The following WDPCP variants were observed in gnomAD, a reference collection of about 807,000 sequenced individuals.
WDPCP encodes the protein WD repeat containing planar cell polarity effector, also known as WD repeat-containing and planar cell polarity effector protein fritz homolog.
Under a neutral mutation model 93.1 loss-of-function variants are expected in WDPCP, and 71 were observed. The observed-to-expected ratio is 0.76, with a 90% CI of 0.63 to 0.93. The LOEUF is 0.93. Among genes scored for constraint, WDPCP ranks in the 40% least tolerant of loss-of-function variants. The pLI, the probability that WDPCP is intolerant of heterozygous loss-of-function variation, is 0.00. For missense variants in WDPCP, 844 were observed against 887.4 expected, an observed-to-expected ratio of 0.95 and a Z score of 0.62; for synonymous variants, 315 against 315.0, an observed-to-expected ratio of 1.00 and a Z score of 0.00.
chr2:63,598,215 GCCTCC>G (rs1198368243), intron 3 of WDPCP: 6 of 152,102 alleles, frequency 3.9e-5, no homozygotes, highest in Non-Finnish European at 8.8e-5. Flanking sequence ...TGCAACCTCT[GCCTCC>G]CGGGTTCAAG....
Position 63,667,277 on chromosome 2 carries a change from C to T in WDPCP, n.309-16439G>A, listed in dbSNP as rs989033241. Among the ~76,000 whole-genome samples the T allele has an allele frequency of 7.6e-4, 115 of 152,266 alleles. 1 individual carries two copies. The highest frequency in any genetic ancestry group is 2.5e-3 in the African/African-American group (105 of 41,548). On this transcript the variant is annotated intron_variant and non_coding_transcript_variant, in intron 2 of 4. Coordinates refer to the WDPCP transcript ENST00000467687. Reference sequence around the variant, plus strand: ...AGTGATGTTCACACACCCATTTATTCGCCATGGGGTGAGGCTGGCATAGGT... The same window carrying T: ...AGTGATGTTCACACACCCATTTATTTGCCATGGGGTGAGGCTGGCATAGGT...
chr2:63,251,761 G>A lies in WDPCP; in HGVS notation c.1915+7546C>T, dbSNP rs569743685. Among the ~76,000 whole-genome samples, 9 of 151,922 alleles carry A rather than the reference G, an allele frequency of 5.9e-5. 1 individual carries two copies. The East Asian group carries it at 1.7e-3, about 29-fold the overall frequency. On this transcript the variant is annotated intron_variant, in intron 14 of 17. Coordinates refer to ENST00000272321, the MANE Select transcript of WDPCP (RefSeq NM_015910.7). ...CCACCTCGGCCTCCCAAAGTGCTGGGATTACAGGCGTGAGCCACCGTGCCT... is the reference window on the plus strand; with the variant it reads ...CCACCTCGGCCTCCCAAAGTGCTGGAATTACAGGCGTGAGCCACCGTGCCT...
intron 6 of WDPCP, among the ~76,000 whole-genome samples, chr2:63,482,833 A>C (rs1700348263): frequency 6.6e-6 from 1 of 152,010 alleles, no homozygotes; most frequent in Non-Finnish European, 1.5e-5. Context: ...GAAGCACAGA[A>C]TATAACAGAA....
intron 2 of WDPCP, among the ~76,000 whole-genome samples, chr2:63,782,079 A>G (rs1382031655): frequency 6.6e-6 from 1 of 152,170 alleles, no homozygotes; most frequent in Non-Finnish European, 1.5e-5. Context: ...GCAGCTAAGT[A>G]TCACTTTCTT....
chr2:63,776,965 C>T (rs934450044), intron 2 of WDPCP, among the ~76,000 whole-genome samples: 7 of 151,982 alleles, frequency 4.6e-5, no homozygotes, highest in East Asian at 1.9e-4. Context: ...ACAAAGTTAC[C>T]GTTAGAAAGA....
chr2:63,661,998 A>G (rs1482797197), intron 2 of WDPCP, among the ~76,000 whole-genome samples: 1 of 152,214 alleles, frequency 6.6e-6, no homozygotes, highest in Non-Finnish European at 1.5e-5. Flanking sequence ...GGGAGAACTT[A>G]GAGACAAGGT....
chr2:63,828,567 C>G (rs1452232425), upstream of WDPCP, among the ~76,000 whole-genome samples: 1 of 152,044 alleles, frequency 6.6e-6, no homozygotes, highest in African/African-American at 2.4e-5. Flanking sequence ...ATAACCTCTC[C>G]TCTATGCTTC....
chr2:63,618,160 T>C (rs540142416), intron 3 of WDPCP, among the ~76,000 whole-genome samples: 1 of 152,306 alleles, frequency 6.6e-6, no homozygotes, highest in Non-Finnish European at 1.5e-5. Flanking sequence ...TAAGAACAAT[T>C]TTCTTTTCTG....
chr2:63,590,221 C>T (rs72885336), upstream of WDPCP: 292 of 152,260 alleles, frequency 1.9e-3, no homozygotes, highest in African/African-American at 6.7e-3. Context: ...GGACTTTTTG[C>T]TTTTAGAACT....
chr2:63,215,997 C>G (rs1284389528), intron 14 of WDPCP, among the ~76,000 whole-genome samples: 1 of 152,258 alleles, frequency 6.6e-6, no homozygotes, highest in East Asian at 1.9e-4. Context: ...CAAATCAAAA[C>G]CACAATGAGA....
intron 1 of WDPCP, among the ~76,000 whole-genome samples, chr2:63,816,578 A>G (rs1449322091): frequency 6.6e-6 from 1 of 152,142 alleles, no homozygotes; most frequent in Non-Finnish European, 1.5e-5. Flanking sequence ...AAGCTGGAAG[A>G]AGAAAGGAAG....
chr2:63,636,903 C>T (rs1477030631), intron 3 of WDPCP, among the ~76,000 whole-genome samples: 1 of 152,184 alleles, frequency 6.6e-6, no homozygotes, highest in African/African-American at 2.4e-5. Flanking sequence ...CACTTTACAT[C>T]ACTTCCAAAA....
intron 13 of WDPCP, among the ~76,000 whole-genome samples, chr2:63,300,462 C>T (rs746925394): frequency 2.0e-5 from 3 of 152,152 alleles, no homozygotes; most frequent in Non-Finnish European, 4.4e-5. Context: ...TGAAAGAAGT[C>T]CTAGGGCAAA....
chr2:63,450,702 C>T (rs1698182910), intron 6 of WDPCP, among the ~76,000 whole-genome samples: 1 of 152,106 alleles, frequency 6.6e-6, no homozygotes, highest in African/African-American at 2.4e-5. Flanking sequence ...ATAACCACAC[C>T]CTAAACCACT....
intron 1 of WDPCP, among the ~76,000 whole-genome samples, chr2:63,820,277 A>G (rs887606857): frequency 1.3e-5 from 2 of 152,168 alleles, no homozygotes; most frequent in East Asian, 1.9e-4. Flanking sequence ...ATTTATTTTC[A>G]TATTGATAAA....
chr2:63,200,472 A>G (rs563779822), intron 14 of WDPCP, among the ~76,000 whole-genome samples: 44 of 152,366 alleles, frequency 2.9e-4, no homozygotes, highest in African/African-American at 7.9e-4. Context: ...GGATAAAGAA[A>G]ATGTGGTATA....
intron 9 of WDPCP, among the ~76,000 whole-genome samples, chr2:63,405,753 G>A (rs60435049): frequency 6.6e-6 from 1 of 151,976 alleles, no homozygotes; most frequent in Non-Finnish European, 1.5e-5. Context: ...TAAAACCACA[G>A]GCCATTCACT....
At chr2:63,257,021 T>C (rs1034118776) in intron 14 of WDPCP, among the ~76,000 whole-genome samples, 1 of 152,148 alleles carries the variant, frequency 6.6e-6, no homozygotes, top group African/African-American at 2.4e-5. Flanking sequence ...GTGAAATTCA[T>C]TGAGTCACAT....
chr2:63,315,261 A>G (rs2103994368), intron 12 of WDPCP, among the ~76,000 whole-genome samples: 1 of 152,326 alleles, frequency 6.6e-6, no homozygotes, highest in East Asian at 1.9e-4. Context: ...CTTAGGAGAT[A>G]AGCCTGAACA....
Sources: gnomAD v4.1 joint callset for allele counts (sites outside exome capture counted in the v4.1 genomes callset) on GRCh38, gnomAD v4.1.1 for gene constraint, MANE v1.5 for transcripts, NCBI Gene and HGNC (gene_info 2026-07-23, HGNC 2026-07-21) for gene names.